Variants in PTPRD observed in about 807,000 individuals in gnomAD.
The protein encoded by PTPRD is receptor-type tyrosine-protein phosphatase delta.
In PTPRD, 34 loss-of-function variants were observed where a neutral mutation model predicts 214.5. That is an observed-to-expected ratio of 0.16 (90% CI 0.12 to 0.21). PTPRD has a LOEUF of 0.21. Ranked by LOEUF, PTPRD falls within the 10% of genes least tolerant of loss-of-function variation. The pLI, the probability that PTPRD is intolerant of heterozygous loss-of-function variation, is 1.00. For missense variants in PTPRD, 2,545 were observed against 2,398.7 expected (o/e 1.06, Z -1.27); for synonymous variants, 1,128 against 845.7 (o/e 1.33, Z -5.79).
intron 4 of PTPRD, among the ~76,000 whole-genome samples, chr9:10,018,841 GC>G (rs2096783350): frequency 1.3e-5 from 2 of 151,920 alleles, no homozygotes; most frequent in South Asian, 4.2e-4. Flanking sequence ...GAGCCACCGC[GC>G]CCGGCCAGAA....
At chr9:10,132,176 T>C (rs554241344) in intron 3 of PTPRD, among the ~76,000 whole-genome samples, 103 of 152,232 alleles carry the variant, frequency 6.8e-4, no homozygotes, top group African/African-American at 2.4e-3. Flanking sequence ...TTGTAGATTA[T>C]GAAGTTAAAA....
At chr9:10,593,364 C>A (rs367673601) in intron 2 of PTPRD, among the ~76,000 whole-genome samples, 1 of 151,974 alleles carries the variant, frequency 6.6e-6, no homozygotes, top group Non-Finnish European at 1.5e-5. Context: ...AGTGATTACT[C>A]ACGAGGACAT....
intron 11 of PTPRD, among the ~76,000 whole-genome samples, chr9:8,931,160 A>T (rs2098949762): frequency 6.6e-6 from 1 of 151,974 alleles, no homozygotes; most frequent in Non-Finnish European, 1.5e-5. Context: ...GAAGGGATCC[A>T]GTTTCAGCTT....
At chr9:10,543,265 A>G (rs2059510575) in intron 2 of PTPRD, among the ~76,000 whole-genome samples, 1 of 152,126 alleles carries the variant, frequency 6.6e-6, no homozygotes, top group Admixed American at 6.6e-5. Context: ...TAAGCTAAAA[A>G]TTTGTCTAAA....
chr9:9,732,709 G>A (rs1450843518), intron 7 of PTPRD, among the ~76,000 whole-genome samples: 1 of 152,130 alleles, frequency 6.6e-6, no homozygotes, highest in Non-Finnish European at 1.5e-5. Flanking sequence ...TTTGCAGAAA[G>A]TGCTGAGGGA....
chr9:9,849,396 G>A (rs1478901985), intron 5 of PTPRD, among the ~76,000 whole-genome samples: 1 of 152,048 alleles, frequency 6.6e-6, no homozygotes, highest in African/African-American at 2.4e-5. Context: ...CTCTCTTTCA[G>A]TTTTTACACA....
intron 9 of PTPRD, among the ~76,000 whole-genome samples, chr9:9,288,598 C>G (rs1404607164): frequency 2.0e-5 from 3 of 151,776 alleles, no homozygotes; most frequent in African/African-American, 7.3e-5. Flanking sequence ...ATAATTGAAT[C>G]AAGGTATCTG....
At chr9:10,086,994 T>C (rs191707209) in intron 3 of PTPRD, among the ~76,000 whole-genome samples, 5 of 151,912 alleles carry the variant, frequency 3.3e-5, no homozygotes, top group Admixed American at 2.6e-4. Context: ...AAACTTAATT[T>C]AGGATTCAGC....
intron 2 of PTPRD, among the ~76,000 whole-genome samples, chr9:10,379,686 G>A (rs1236725381): frequency 6.6e-6 from 1 of 151,944 alleles, no homozygotes; most frequent in Non-Finnish European, 1.5e-5. Context: ...AAAAGTATAA[G>A]TAAAAATTTC....
At chr9:9,525,202 T>A (rs1284589610) in intron 8 of PTPRD, among the ~76,000 whole-genome samples, 1 of 152,104 alleles carries the variant, frequency 6.6e-6, no homozygotes, top group Non-Finnish European at 1.5e-5. Flanking sequence ...ACAAACATCA[T>A]GTTGTCTTTT....
At position 8,430,345 on chromosome 9, in the gene PTPRD, C is replaced by T. The variant is rs544565822; in HGVS notation, c.4086+6247G>A. Among the ~76,000 whole-genome samples, 3 of 152,058 alleles carry T rather than the reference C, an allele frequency of 2.0e-5. No homozygotes were observed. In the South Asian group the frequency reaches 6.2e-4, roughly 32 times the overall value. On this transcript the variant is annotated intron_variant, in intron 35 of 45. Transcript: ENST00000381196. ...AGTGCAGTGACATGATCTCAGCTCA[C>T]TGCAGACTCAACCCCTTGGGGGTCA...
chr9:8,756,145 C>T (rs949207925), intron 11 of PTPRD, among the ~76,000 whole-genome samples: 19 of 152,160 alleles, frequency 1.2e-4, no homozygotes, highest in African/African-American at 4.3e-4. Flanking sequence ...GGAACCGAGA[C>T]AGTCAAAGAA....
At chr9:10,261,194 G>A (rs1382111884) in intron 3 of PTPRD, among the ~76,000 whole-genome samples, 1 of 150,840 alleles carries the variant, frequency 6.6e-6, no homozygotes, top group Non-Finnish European at 1.5e-5. Context: ...ACAACTTGGA[G>A]AAAACAAAAC....
At chr9:10,507,712 T>A (rs1226670698) in intron 2 of PTPRD, among the ~76,000 whole-genome samples, 1 of 152,110 alleles carries the variant, frequency 6.6e-6, no homozygotes. Flanking sequence ...GAGTCGCTAT[T>A]TAATAAATGG....
chr9:9,491,950 A>G (rs1049028433), intron 8 of PTPRD, among the ~76,000 whole-genome samples: 1 of 152,012 alleles, frequency 6.6e-6, no homozygotes, highest in Non-Finnish European at 1.5e-5. Flanking sequence ...CAATGAAACC[A>G]AAAGGTGATT....
At chr9:10,482,869 A>C (rs2099109576) in intron 2 of PTPRD, among the ~76,000 whole-genome samples, 1 of 152,200 alleles carries the variant, frequency 6.6e-6, no homozygotes, top group African/African-American at 2.4e-5. Flanking sequence ...TCCAAAAGCA[A>C]TTGACAGATT....
chr9:8,667,416 T>A (rs1020046098), intron 12 of PTPRD, among the ~76,000 whole-genome samples: 1 of 152,154 alleles, frequency 6.6e-6, no homozygotes, highest in Admixed American at 6.6e-5. Context: ...CAGTTCAACA[T>A]ATCCTCATGT....
intron 4 of PTPRD, among the ~76,000 whole-genome samples, chr9:9,947,545 TATATATTA>T (rs1408010624): frequency 0.015 from 594 of 39,568 alleles, 14 homozygotes; most frequent in East Asian, 0.03. Flanking sequence ...ATATATAATA[TATATATTA>T]TATATATATT....
chr9:10,301,062 A>G (rs2095848505), intron 3 of PTPRD, among the ~76,000 whole-genome samples: 9 of 152,118 alleles, frequency 5.9e-5, no homozygotes, highest in Admixed American at 5.9e-4. Context: ...AAGCTTCCAG[A>G]GGAAGGAACA....
Sources: allele counts gnomAD v4.1 joint callset (sites outside exome capture counted in the v4.1 genomes callset), GRCh38; gene constraint gnomAD v4.1.1; transcripts MANE v1.5; gene names NCBI Gene and HGNC (gene_info 2026-07-23, HGNC 2026-07-21).